The following FLNC variants were observed in gnomAD, a reference collection of about 807,000 sequenced individuals.
The protein encoded by FLNC is filamin-C.
FLNC carries 91 observed loss-of-function variants against 254.3 expected under a neutral mutation model. That is an observed-to-expected ratio of 0.36 (90% CI 0.30 to 0.43). The LOEUF (loss-of-function observed/expected upper bound fraction) is 0.43, where lower values mean the gene tolerates loss of function less well. FLNC is among the 20% of genes least tolerant of loss of function. The pLI is 1.00. For synonymous variants in FLNC, 1,430 were observed against 1,577.2 expected (o/e 0.91, Z 2.21); for missense variants, 2,853 against 3,802.6 (o/e 0.75, Z 6.57).
rs755984113 is a variant in FLNC at position 128,844,278 on chromosome 7, G to A, written c.3192+12G>A. On this transcript the variant is annotated intron_variant, in intron 20 of 47. Transcript: ENST00000325888. ...CTGATCCCTCCAAGGTGAGGAGATA[G>A]GAGCTGGTTGGGGCTGGGAGTTGGG... is the stretch of plus-strand genomic sequence containing the variant. 8 of 1,596,764 alleles carry A rather than the reference G, an allele frequency of 5.0e-6. No homozygotes were observed. In the South Asian group the frequency reaches 9.0e-5, roughly 18 times the overall value.
rs957391561 is a variant in FLNC, at chr7:128,840,118, G to A, written c.1507G>A (p.Gly503Ser). 1 of 1,614,128 alleles carries A rather than the reference G, an allele frequency of 6.2e-7. No individual in the cohort carries two copies. The highest frequency in any genetic ancestry group is 8.5e-7 in the Non-Finnish European group (1 of 1,180,038). Residue 503 changes from glycine to serine, a missense_variant, in exon 9 of 48, where the codon GGT becomes AGT. Transcript: ENST00000325888. ...EVADFKVFTK[G>S]AGSGELKVTV... ...GGCTGACTTCAAGGTGTTTACCAAGGGTGCCGGCAGCGGGGAGCTCAAGGT... is the reference window on the plus strand; with the variant it reads ...GGCTGACTTCAAGGTGTTTACCAAGAGTGCCGGCAGCGGGGAGCTCAAGGT...
Position 128,846,336 on chromosome 7 carries a change from G to T in FLNC, c.4000G>T (p.Ala1334Ser). 6.2e-7 allele frequency: 1 copy of T among 1,613,706 alleles called. No individual in the cohort carries two copies. Among genetic ancestry groups the T allele is most frequent in the Non-Finnish European group, 8.5e-7 (1 of 1,179,984 alleles). Reference protein sequence around the residue: ...HLVEVLYDEVAVPKSPFRVGV... With the variant: ...HLVEVLYDEVSVPKSPFRVGV... ...GGTGGAGGTCCTGTATGATGAGGTC[G>T]CTGTGCCCAAGAGCCCCTTCCGAGT... The change falls in exon 23 of 48, where the codon GCT becomes TCT. Residue 1334 changes from alanine to serine, a missense_variant. Physicochemically the swap from Ala to Ser is moderately conservative, Grantham distance 99 (BLOSUM62 1). Coordinates refer to ENST00000325888, the MANE Select transcript of FLNC (RefSeq NM_001458.5).
At position 128,856,724 on chromosome 7, in the gene FLNC, C is replaced by T. The variant is rs1178558488; in HGVS notation, c.7385-21C>T. 1.2e-6 allele frequency: 2 copies of T among 1,614,090 alleles called. No homozygotes were observed. The highest frequency in any genetic ancestry group is 1.7e-6 in the Non-Finnish European group (2 of 1,180,024). ...GGGGAGGGGAAGGATGGAGGCTAAG[C>T]CACCAACCCTTTATCCACAGACAAG... On this transcript the variant is annotated intron_variant, in intron 44 of 47. Transcript: ENST00000325888. The surrounding 1 kb of genome is among the most constrained non-coding windows in gnomAD (Gnocchi z 5.9).
chr7:128,838,170 C>G, intron 6 of FLNC, 97 bp from the exon 7 acceptor site: 1 of 1,490,710 alleles, frequency 6.7e-7, no homozygotes, highest in Non-Finnish European at 9.4e-7. Flanking sequence ...AGAGCCCCAG[C>G]TGCCCGCCTC....
Position 128,853,641 on chromosome 7 carries a change from T to C in FLNC, c.6361+20T>C. 6.2e-7 allele frequency: 1 copy of C among 1,613,750 alleles called. No homozygotes were observed. Among genetic ancestry groups the C allele is most frequent in the South Asian group, 1.1e-5 (1 of 91,078 alleles). On this transcript the variant is annotated intron_variant, in intron 38 of 47. Transcript: ENST00000325888. ...TGCCTGGTAAGGCTCTGGGCAGAGG[T>C]CGGTGGCGAGAGACAGGGAGGCCAG...
In FLNC at chr7:128,835,298, G is replaced by C. The variant is rs1480207765; in HGVS notation, c.353-28G>C. Reference sequence around the variant, plus strand: ...GGGCAGTGGAGGGTGGGGCGCCCCTGAGCCCGTCTGTGCCCTCCCCTCTGC... The same window carrying C: ...GGGCAGTGGAGGGTGGGGCGCCCCTCAGCCCGTCTGTGCCCTCCCCTCTGC... On this transcript the variant is annotated intron_variant, in intron 1 of 47. Transcript: ENST00000325888. The surrounding 1 kb of genome is among the most constrained non-coding windows in gnomAD (Gnocchi z 5.3). The C allele has an allele frequency of 1.9e-6, 3 of 1,611,940 alleles. No individual in the cohort carries two copies. In the African/African-American group the frequency reaches 4.0e-5, roughly 22 times the overall value.
At chr7:128,840,523 C>T (rs774168928) in intron 9 of FLNC, 25 bp from the exon 10 acceptor site, 3 of 1,614,064 alleles carry the variant, frequency 1.9e-6, no homozygotes, top group East Asian at 4.5e-5. Context: ...CTGCCTTCTT[C>T]CCCACCCTGC....
rs779802575 is a variant in FLNC at position 128,840,647 on chromosome 7, C to T, written c.1649C>T (p.Thr550Met). 3.0e-5 allele frequency: 49 copies of T among 1,614,084 alleles called. No individual in the cohort carries two copies. In the East Asian group the frequency reaches 6.7e-4, roughly 22 times the overall value. ...CCTGGGAAGTATGTGGTGACCATCA[C>T]GTGGGGCGGCTACGCCATCCCTCGC... Reference protein sequence around the residue: ...VVPGKYVVTITWGGYAIPRSP... With the variant: ...VVPGKYVVTIMWGGYAIPRSP... The change falls in exon 10 of 48, where the codon ACG (threonine) becomes ATG (methionine). Residue 550 changes from threonine (T) to methionine (M), a missense_variant. Thr to Met is a moderately conservative substitution (Grantham distance 81). This residue lies in a region of FLNC where 1,573 missense variants were observed against 1,883.5 expected (regional missense o/e 0.84). Transcript: ENST00000325888.
intron 31 of FLNC, 130 bp downstream of exon 31, chr7:128,850,204 G>A: frequency 1.0e-6 from 1 of 958,884 alleles, no homozygotes; most frequent in Non-Finnish European, 1.6e-6. Flanking sequence ...AGTTAGGCTG[G>A]GCAGATGGAA....
chr7:128,830,587 A>G lies in FLNC; in HGVS notation c.-51A>G. The G allele has an allele frequency of 1.9e-6, 3 of 1,549,680 alleles. No homozygotes were observed. Among genetic ancestry groups the G allele is most frequent in the Non-Finnish European group, 2.7e-6 (3 of 1,129,796 alleles). ...CCCCAACAGCGCCCGACAGCCCCCG[A>G]TAGCCCAAACCGCGGCCCTAGCCCC... On this transcript the variant is annotated 5_prime_UTR_variant, in exon 1 of 48. Coordinates refer to ENST00000325888, the MANE Select transcript of FLNC (RefSeq NM_001458.5).
intron 4 of FLNC, 41 bp from the exon 5 acceptor site, chr7:128,837,595 AG>A (rs770479236): frequency 6.2e-7 from 1 of 1,613,662 alleles, no homozygotes; most frequent in African/African-American, 1.3e-5. Context: ...GGGCACATGT[AG>A]GCTCTCCCTG....
In FLNC at chr7:128,844,068, A is replaced by G. The variant is rs558712725; in HGVS notation, c.2994A>G (p.Gln998=). 6.3e-5 allele frequency: 102 copies of G among 1,614,004 alleles called. No individual in the cohort carries two copies. The highest frequency in any genetic ancestry group is 1.0e-4 in the Admixed American group (6 of 60,032). The change falls in exon 20 of 48, where the codon CAA becomes CAG. Residue 998 remains glutamine (Q), a synonymous_variant. Coordinates refer to ENST00000325888, the MANE Select transcript of FLNC (RefSeq NM_001458.5). ...CACGAGGGGCTGGCGGTCAGGGCCA[A>G]CTGGATGTGCGGATGACTTCGCCCT... is the stretch of plus-strand genomic sequence containing the variant. ...VNTRGAGGQG[Q]LDVRMTSPSR...
rs928060134 is a variant in FLNC at position 128,838,923 on chromosome 7, C to T, written c.1411+120C>T. 9 of 864,618 alleles carry T rather than the reference C, an allele frequency of 1.0e-5. No homozygotes were observed. In the Admixed American group the frequency reaches 1.6e-4, roughly 15 times the overall value. The allele number at this position is 864,618 out of a possible 1,614,324, so 53.6% of individuals were successfully genotyped here. On this transcript the variant is annotated intron_variant, in intron 8 of 47. Transcript: ENST00000325888. ...CCCCCTCCCTGAGTCCTCCATCCCA[C>T]CCCCAAGGTGGCTGGAGTTCCTAAG...
At chr7:128,853,154 T>G in intron 37 of FLNC, 123 bp downstream of exon 37, 1 of 1,043,302 alleles carries the variant, frequency 9.6e-7, no homozygotes, top group Admixed American at 2.0e-5. Flanking sequence ...CCAGTCTGCG[T>G]CAGGATTCGC....
intron 1 of FLNC, among the ~76,000 whole-genome samples, chr7:128,833,759 G>C (rs997949401): frequency 1.3e-5 from 2 of 152,228 alleles, no homozygotes; most frequent in Non-Finnish European, 2.9e-5. Flanking sequence ...CAGACTGTGT[G>C]AAAGTGTTGG....
At position 128,849,348 on chromosome 7, in the gene FLNC, C is replaced by T. The variant is rs1563000044; in HGVS notation, c.4969C>T (p.Arg1657Ter). Residue 1657 changes from arginine (R) to a stop codon, truncating the protein, a stop_gained, in exon 30 of 48, where the codon CGA (arginine) becomes TGA (stop). Transcript: ENST00000325888. LOFTEE classifies it high-confidence loss of function. ...GHGLGACLGP[R>*]IQIGQETVIT... ...CATGGCAGGTGCCTGCCTGGGCCCTCGAATCCAGATTGGGCAGGAGACGGT... is the reference window on the plus strand; with the variant it reads ...CATGGCAGGTGCCTGCCTGGGCCCTTGAATCCAGATTGGGCAGGAGACGGT... The T allele has an allele frequency of 1.2e-6, 2 of 1,614,060 alleles. No homozygotes were observed. Among genetic ancestry groups the T allele is most frequent in the South Asian group, 1.1e-5 (1 of 91,080 alleles).
At position 128,841,402 on chromosome 7, in the gene FLNC, G is replaced by A. The variant is rs1808328743; in HGVS notation, c.2007+39G>A. On this transcript the variant is annotated intron_variant, in intron 12 of 47. Coordinates refer to ENST00000325888, the MANE Select transcript of FLNC (RefSeq NM_001458.5). The surrounding 1 kb of genome is among the most constrained non-coding windows in gnomAD (Gnocchi z 4.3). The stretch of plus-strand genomic sequence containing the variant: ...TCACACACACCTGCCCCGGGGGTGG[G>A]GCAAGCTGGTTCTCCTCCCCTCCCC... 1.2e-6 allele frequency: 2 copies of A among 1,613,472 alleles called. No individual in the cohort carries two copies. Among genetic ancestry groups the A allele is most frequent in the Non-Finnish European group, 1.7e-6 (2 of 1,179,576 alleles).
chr7:128,846,100 G>A lies in FLNC; in HGVS notation c.3901G>A (p.Asp1301Asn). 1 of 1,614,048 alleles carries A rather than the reference G, an allele frequency of 6.2e-7. No homozygotes were observed. ...RVLNPSGAKTDTYVTDNGDGT... is the reference protein window; with the variant it reads ...RVLNPSGAKTNTYVTDNGDGT... Reference sequence around the variant, plus strand: ...GCTCAACCCCTCGGGGGCCAAGACAGACACCTATGTGACAGACAATGGGGA... The same window carrying A: ...GCTCAACCCCTCGGGGGCCAAGACAAACACCTATGTGACAGACAATGGGGA... The change falls in exon 22 of 48, where the codon GAC (aspartate) becomes AAC (asparagine). Residue 1301 changes from aspartate to asparagine, a missense_variant. By Grantham distance (23) the Asp-to-Asn change is conservative (BLOSUM62 1). This residue lies in a region of FLNC where 1,573 missense variants were observed against 1,883.5 expected (regional missense o/e 0.84). Transcript: ENST00000325888.
chr7:128,856,596 G>T lies in FLNC; in HGVS notation c.7330G>T (p.Val2444Leu), dbSNP rs267601279. ...NGARGVIDAR[V>L]HTPSGAVEEC... Reference sequence around the variant, plus strand: ...TGCCCGGGGCGTGATTGATGCCCGGGTGCACACACCCTCGGGGGCTGTGGA... The same window carrying T: ...TGCCCGGGGCGTGATTGATGCCCGGTTGCACACACCCTCGGGGGCTGTGGA... Residue 2444 changes from valine (V) to leucine (L), a missense_variant, in exon 44 of 48, where the codon GTG (valine) becomes TTG (leucine). Around this residue, in one of 10 missense-constraint regions of FLNC, gnomAD observed 47 missense variants for 40.3 expected, o/e 1.17. Transcript: ENST00000325888. The surrounding 1 kb of genome is among the most constrained non-coding windows in gnomAD (Gnocchi z 5.9). 1 of 1,612,892 alleles carries T rather than the reference G, an allele frequency of 6.2e-7. No homozygotes were observed.
Sources: allele counts gnomAD v4.1 joint callset (sites outside exome capture counted in the v4.1 genomes callset), GRCh38; gene constraint gnomAD v4.1.1; regional missense constraint gnomAD v4.1.1; non-coding constraint Gnocchi (gnomAD v3.1); transcripts MANE v1.5; gene names NCBI Gene and HGNC (gene_info 2026-07-23, HGNC 2026-07-21).